TLX1: variants seen among roughly 807,000 people sequenced by gnomAD.
The protein encoded by TLX1 is T cell leukemia homeobox 1.
Under a neutral mutation model 26.5 loss-of-function variants are expected in TLX1, and 6 were observed. The observed-to-expected ratio is 0.23, with a 90% CI of 0.12 to 0.45. The LOEUF (loss-of-function observed/expected upper bound fraction) is 0.45. Ranked by LOEUF, TLX1 falls within the 20% of genes least tolerant of loss-of-function variation. TLX1 has a pLI of 0.99. For synonymous variants in TLX1, 217 were observed against 219.7 expected (o/e 0.99, Z 0.11); for missense variants, 418 against 482.6 (o/e 0.87, Z 1.25).
Position 101,131,475 on chromosome 10 carries a change from T to C in TLX1, c.-67T>C. On this transcript the variant is annotated 5_prime_UTR_variant, in exon 1 of 3. The change abolishes the stop of an existing upstream ORF in the 5' untranslated region. Transcript: ENST00000370196. ...GCCGCTGTTGCCTCCCAGCCCCTGC[T>C]AGCTGCCCCCCGAGCCGAGCGCAGC... The C allele has an allele frequency of 7.7e-7, 1 of 1,302,362 alleles. No homozygotes were observed. The highest frequency in any genetic ancestry group is 9.9e-7 in the Non-Finnish European group (1 of 1,009,378). 80.7% of individuals were successfully genotyped at this position (1,302,362 alleles called of 1,614,324 possible).
chr10:101,133,862 A>G (rs1204784311), intron 1 of TLX1, among the ~76,000 whole-genome samples: 1 of 152,114 alleles, frequency 6.6e-6, no homozygotes, highest in Non-Finnish European at 1.5e-5. Flanking sequence ...AGCTCGCCTT[A>G]GACTGCCCCT....
Position 101,136,859 on chromosome 10 carries a change from TGAC to T in TLX1, c.943_945del (p.Asp315del), listed in dbSNP as rs567197994. On this transcript the variant is annotated inframe_deletion, in exon 3 of 3. Transcript: ENST00000370196. The stretch of plus-strand genomic sequence containing the variant: ...CCCTGCAGAATCTGCAGCCGTGGTC[TGAC>T]GACTCGACCAAAATCACTAGCGTCA... The T allele has an allele frequency of 1.3e-4, 208 of 1,613,786 alleles. 1 individual carries two copies. The African/African-American group carries it at 2.1e-3, about 16-fold the overall frequency.
intron 2 of TLX1, among the ~76,000 whole-genome samples, chr10:101,135,852 G>GAA (rs1322804802): frequency 1.3e-5 from 2 of 152,216 alleles, no homozygotes; most frequent in East Asian, 3.8e-4. Context: ...GCCTAAAAGA[G>GAA]AAATATTCAG....
chr10:101,133,232 G>A (rs1303955945), intron 1 of TLX1, among the ~76,000 whole-genome samples: 3 of 152,262 alleles, frequency 2.0e-5, no homozygotes, highest in Admixed American at 6.5e-5. Flanking sequence ...TACTGGGCCA[G>A]GAGATTCCAA....
In TLX1 at chr10:101,132,046, C is replaced by T. The variant is rs1373798969; in HGVS notation, c.505C>T (p.Leu169Phe). 1 of 1,506,534 alleles carries T rather than the reference C, an allele frequency of 6.6e-7. No individual in the cohort carries two copies. Among genetic ancestry groups the T allele is most frequent in the Non-Finnish European group, 8.8e-7 (1 of 1,134,982 alleles). 93.3% of individuals were successfully genotyped at this position (1,506,534 alleles called of 1,614,324 possible). The part of the protein sequence containing the change: ...SVPAMPGVNN[L>F]TGLTFPWMES... ...GCCTGCCATGCCGGGCGTCAACAAC[C>T]TCACTGGCCTCACCTTCCCCTGGAT... Residue 169 changes from leucine (L) to phenylalanine (F), a missense_variant, in exon 1 of 3, where the codon CTC (leucine) becomes TTC (phenylalanine). Coordinates refer to ENST00000370196, the MANE Select transcript of TLX1 (RefSeq NM_005521.4). This position sits in a 1 kb window ranked among gnomAD's most constrained non-coding sequence, Gnocchi z 4.1.
chr10:101,131,367 A>C lies in TLX1; in HGVS notation c.-175A>C. On this transcript the variant is annotated 5_prime_UTR_variant, in exon 1 of 3. Transcript: ENST00000370196. Reference sequence around the variant, plus strand: ...AGCAGAAGCCAGAGAGGGGAAGAATACGGCGCCCCCTCTCTCCCTCCCCTC... The same window carrying C: ...AGCAGAAGCCAGAGAGGGGAAGAATCCGGCGCCCCCTCTCTCCCTCCCCTC... 1 of 433,758 alleles carries C rather than the reference A, an allele frequency of 2.3e-6. No homozygotes were observed. Among genetic ancestry groups the C allele is most frequent in the Non-Finnish European group, 4.0e-6 (1 of 252,364 alleles). 26.9% of individuals were successfully genotyped at this position (433,758 alleles called of 1,614,324 possible). A position where few individuals can be genotyped will look rare whatever the true frequency, so the allele number is the denominator to read the frequency against.
At chr10:101,135,089 C>G (rs1194026586) in intron 2 of TLX1, among the ~76,000 whole-genome samples, 3 of 152,272 alleles carry the variant, frequency 2.0e-5, no homozygotes, top group Non-Finnish European at 4.4e-5. Context: ...CATTTACGCT[C>G]ACGGACGTGA....
Position 101,131,735 on chromosome 10 carries a change from C to A in TLX1, c.194C>A (p.Ala65Glu). The change falls in exon 1 of 3, where the codon GCG (alanine) becomes GAG (glutamate). Residue 65 changes from alanine to glutamate, a missense_variant. Transcript: ENST00000370196. Reference protein sequence around the residue: ...YTYGGGGSAAATGAGGAGAYG... With the variant: ...YTYGGGGSAAETGAGGAGAYG... ...TACGGCGGCGGGGGCTCCGCGGCCG[C>A]GACGGGGGCTGGAGGAGCGGGGGCC... 6.9e-7 allele frequency: 1 copy of A among 1,438,962 alleles called. No individual in the cohort carries two copies. The highest frequency in any genetic ancestry group is 9.1e-7 in the Non-Finnish European group (1 of 1,101,918). 89.1% of individuals were successfully genotyped at this position (1,438,962 alleles called of 1,614,324 possible). A position where few individuals can be genotyped will look rare whatever the true frequency, so the allele number is the denominator to read the frequency against.
Position 101,137,182 on chromosome 10 carries a change from A to G in TLX1, c.*269A>G, listed in dbSNP as rs1262557664. 2 of 476,468 alleles carry G rather than the reference A, an allele frequency of 4.2e-6. No individual in the cohort carries two copies. Among genetic ancestry groups the G allele is most frequent in the Non-Finnish European group, 7.4e-6 (2 of 270,378 alleles). 29.5% of individuals were successfully genotyped at this position (476,468 alleles called of 1,614,324 possible). ...AATCTGTTTTTGTTTATTTCATTTT[A>G]TTTTAATTTTTAACGTGGGATTCAG... On this transcript the variant is annotated 3_prime_UTR_variant, in exon 3 of 3. Transcript: ENST00000370196.
intron 1 of TLX1, among the ~76,000 whole-genome samples, chr10:101,133,883 C>T (rs571377050): frequency 1.6e-4 from 25 of 152,172 alleles, no homozygotes; most frequent in African/African-American, 5.1e-4. Flanking sequence ...GGAGGAGAGG[C>T]GGCAGGGAGG....
chr10:101,133,788 G>T (rs1940229232), intron 1 of TLX1, among the ~76,000 whole-genome samples: 2 of 152,154 alleles, frequency 1.3e-5, no homozygotes, highest in African/African-American at 4.8e-5. Flanking sequence ...CCAGAGTCAG[G>T]CTCGGCCTCT....
chr10:101,134,410 C>G (rs765819550), intron 2 of TLX1, 34 bp downstream of exon 2: 60 of 1,509,256 alleles, frequency 4.0e-5, no homozygotes, highest in African/African-American at 7.1e-5. Flanking sequence ...CGCCCGCGAG[C>G]GGCGCGGTCT....
At position 101,137,066 on chromosome 10, in the gene TLX1, G is replaced by A; in HGVS notation, c.*153G>A. The A allele has an allele frequency of 2.0e-6, 2 of 1,002,866 alleles. No homozygotes were observed. The highest frequency in any genetic ancestry group is 1.4e-6 in the Non-Finnish European group (1 of 701,522). The allele number at this position is 1,002,866 out of a possible 1,614,324, so 62.1% of individuals were successfully genotyped here. A position where few individuals can be genotyped will look rare whatever the true frequency, so the allele number is the denominator to read the frequency against. On this transcript the variant is annotated 3_prime_UTR_variant, in exon 3 of 3. Transcript: ENST00000370196. The stretch of plus-strand genomic sequence containing the variant: ...CCCGAAGGGCCCCCACATTTGTGCC[G>A]ACACTGTTCTCCCTTCGGTGGAAGA...
chr10:101,136,224 A>C (rs1007943259), intron 2 of TLX1, among the ~76,000 whole-genome samples: 25 of 152,312 alleles, frequency 1.6e-4, no homozygotes, highest in African/African-American at 6.0e-4. Context: ...TCGCAGAGAG[A>C]GGGAGGAAAG....
chr10:101,131,637 C>A lies in TLX1; in HGVS notation c.96C>A (p.Gly32=). ...TCCTCAACAGCCCGGACCAGGGTGG[C>A]TGCATGGGACCCGCCTCGCGCCTCC... The part of the protein sequence containing the change: ...DQILNSPDQG[G]CMGPASRLQD... Residue 32 remains glycine, a synonymous_variant, in exon 1 of 3, where the codon GGC becomes GGA. Transcript: ENST00000370196. 1 of 1,572,010 alleles carries A rather than the reference C, an allele frequency of 6.4e-7. No homozygotes were observed. The highest frequency in any genetic ancestry group is 8.6e-7 in the Non-Finnish European group (1 of 1,162,272).
At position 101,136,787 on chromosome 10, in the gene TLX1, G is replaced by T; in HGVS notation, c.867G>T (p.Gln289His). The T allele has an allele frequency of 6.2e-7, 1 of 1,613,514 alleles. No homozygotes were observed. Among genetic ancestry groups the T allele is most frequent in the Non-Finnish European group, 8.5e-7 (1 of 1,180,028 alleles). The change falls in exon 3 of 3, where the codon CAG (glutamine) becomes CAT (histidine). Residue 289 changes from glutamine to histidine, a missense_variant. By Grantham distance (24) the Gln-to-His change is conservative. Around this residue, in one of 3 missense-constraint regions of TLX1, gnomAD observed 78 missense variants for 92.2 expected, o/e 0.85. Coordinates refer to ENST00000370196, the MANE Select transcript of TLX1 (RefSeq NM_005521.4). ...QQEAFQKSLA[Q>H]PLPADPLCVH... ...AGGCCTTCCAGAAGAGCCTGGCACA[G>T]CCGCTGCCCGCTGACCCTCTGTGCG... is the stretch of plus-strand genomic sequence containing the variant.
At chr10:101,135,055 TTTTTGTTTTG>T (rs1169878873) in intron 2 of TLX1, among the ~76,000 whole-genome samples, 1 of 152,262 alleles carries the variant, frequency 6.6e-6, no homozygotes, top group African/African-American at 2.4e-5. Context: ...CGCAATGGGC[TTTTTGTTTTG>T]TTTTGTTTTT....
chr10:101,136,740 A>G lies in TLX1; in HGVS notation c.820A>G (p.Ile274Val), dbSNP rs1217844598. ...GGCCGAGAGGCAGCAAGCGAACCGC[A>G]TCCTCCTGCAGTTGCAGCAGGAGGC... ...REAERQQANR[I>V]LLQLQQEAFQ... is the part of the protein sequence containing the mutation. Residue 274 changes from isoleucine to valine, a missense_variant, in exon 3 of 3, where the codon ATC becomes GTC. Coordinates refer to ENST00000370196, the MANE Select transcript of TLX1 (RefSeq NM_005521.4). 6 of 1,613,062 alleles carry G rather than the reference A, an allele frequency of 3.7e-6. No homozygotes were observed. In the Admixed American group the frequency reaches 8.3e-5, roughly 22 times the overall value.
At chr10:101,135,298 G>T (rs986300953) in intron 2 of TLX1, 1 of 153,518 alleles carries the variant, frequency 6.5e-6, no homozygotes, top group Non-Finnish European at 1.5e-5. Context: ...GCGCCGAGAC[G>T]GGCGGGCCTT....
Sources: gnomAD v4.1 joint callset for allele counts (sites outside exome capture counted in the v4.1 genomes callset) on GRCh38, gnomAD v4.1.1 for gene constraint, gnomAD v4.1.1 regional missense constraint, Gnocchi (gnomAD v3.1) non-coding constraint, MANE v1.5 for transcripts, NCBI Gene and HGNC (gene_info 2026-07-23, HGNC 2026-07-21) for gene names.